Variants in RPSA2 observed in about 807,000 individuals in gnomAD.
The protein encoded by RPSA2 is ribosomal protein SA 2.
chr19:23,774,824 T>C, the RPSA2 span, among the ~76,000 whole-genome samples: 2 of 152,206 alleles, frequency 1.3e-5, no homozygotes, highest in Non-Finnish European at 2.9e-5. Context: ...AACTTATCCC[T>C]GACTGAGCAC....
At chr19:23,802,475 A>G in the RPSA2 span, among the ~76,000 whole-genome samples, 1 of 152,204 alleles carries the variant, frequency 6.6e-6, no homozygotes, top group Non-Finnish European at 1.5e-5. Flanking sequence ...TGCTCTCACA[A>G]TCACCCAGGC....
chr19:23,831,330 C>T, the RPSA2 span, among the ~76,000 whole-genome samples: 17,633 of 152,180 alleles, frequency 0.12, 1,086 homozygotes, highest in East Asian at 0.22. Flanking sequence ...GCAGGAAAAG[C>T]TGTGTTGGGT....
At chr19:23,843,863 G>A in the RPSA2 span, among the ~76,000 whole-genome samples, 4 of 152,184 alleles carry the variant, frequency 2.6e-5, no homozygotes, top group East Asian at 3.9e-4. Context: ...GGGTTCAAGC[G>A]ATTCTCCCGC....
At chr19:23,827,667 A>T in the RPSA2 span, 2 of 1,596,824 alleles carry the variant, frequency 1.3e-6, no homozygotes, top group South Asian at 1.1e-5. Context: ...AAGGGAGCTC[A>T]CTCAGTGGGT....
chr19:23,809,955 T>C, the RPSA2 span, among the ~76,000 whole-genome samples: 1 of 144,356 alleles, frequency 6.9e-6, no homozygotes, highest in East Asian at 2.1e-4. Context: ...TTTTATAAAC[T>C]GGTTTCAGAG....
chr19:23,780,516 G>A, the RPSA2 span, among the ~76,000 whole-genome samples: 15 of 152,152 alleles, frequency 9.9e-5, no homozygotes, highest in African/African-American at 3.4e-4. Flanking sequence ...GGTGGTGGGC[G>A]CCTGTAGTCC....
At chr19:23,846,918 G>A in the RPSA2 span, among the ~76,000 whole-genome samples, 1 of 152,046 alleles carries the variant, frequency 6.6e-6, no homozygotes, top group African/African-American at 2.4e-5. Context: ...TGCTAGAGTT[G>A]GGAAGTTTTC....
the RPSA2 span, chr19:23,832,618 T>A: frequency 7.1e-7 from 1 of 1,401,148 alleles, no homozygotes; most frequent in East Asian, 3.2e-5. Flanking sequence ...AGGTAATTCA[T>A]ACTGGGAGAG....
chr19:23,838,012 T>C, the RPSA2 span, among the ~76,000 whole-genome samples: 1 of 152,176 alleles, frequency 6.6e-6, no homozygotes, highest in African/African-American at 2.4e-5. Context: ...GGCACCCTTG[T>C]CTTGTTCCCA....
the RPSA2 span, among the ~76,000 whole-genome samples, chr19:23,863,854 A>G: frequency 6.6e-6 from 1 of 152,210 alleles, no homozygotes; most frequent in Non-Finnish European, 1.5e-5. Flanking sequence ...CTTTCTTATC[A>G]TAATACAAAA....
chr19:23,835,774 C>T, the RPSA2 span, among the ~76,000 whole-genome samples: 1 of 151,992 alleles, frequency 6.6e-6, no homozygotes, highest in Non-Finnish European at 1.5e-5. Flanking sequence ...GCTGGGATTA[C>T]ATGTGCCCGC....
the RPSA2 span, among the ~76,000 whole-genome samples, chr19:23,822,858 G>C: frequency 6.6e-6 from 1 of 152,158 alleles, no homozygotes; most frequent in East Asian, 1.9e-4. Flanking sequence ...GGTTTCTCCT[G>C]TCTTTCCTGT....
the RPSA2 span, among the ~76,000 whole-genome samples, chr19:23,847,290 G>T: frequency 3.2e-4 from 47 of 148,250 alleles, no homozygotes; most frequent in Non-Finnish European, 5.1e-4. Context: ...TTTTTATATT[G>T]GTTTTCAGAT....
At chr19:23,794,714 CT>C in the RPSA2 span, among the ~76,000 whole-genome samples, 1 of 152,092 alleles carries the variant, frequency 6.6e-6, no homozygotes, top group Non-Finnish European at 1.5e-5. Context: ...TCAATTTTTG[CT>C]TTTGTTGCAA....
At chr19:23,836,412 C>G in the RPSA2 span, among the ~76,000 whole-genome samples, 1 of 152,026 alleles carries the variant, frequency 6.6e-6, no homozygotes, top group Non-Finnish European at 1.5e-5. Context: ...TTTATCCACT[C>G]GTTGATTGAT....
At chr19:23,800,615 CT>C in the RPSA2 span, among the ~76,000 whole-genome samples, 245 of 150,458 alleles carry the variant, frequency 1.6e-3, 2 homozygotes, top group African/African-American at 3.9e-3. Flanking sequence ...TTTCTACAAA[CT>C]TTTTTTTTTT....
the RPSA2 span, among the ~76,000 whole-genome samples, chr19:23,762,293 C>G: frequency 4.6e-5 from 7 of 151,950 alleles, no homozygotes. Context: ...GGCCATCCCA[C>G]GATGTGGTCA....
At chr19:23,850,696 T>G in the RPSA2 span, among the ~76,000 whole-genome samples, 1 of 151,932 alleles carries the variant, frequency 6.6e-6, no homozygotes, top group Non-Finnish European at 1.5e-5. Context: ...TTCCCAGGTA[T>G]TGGTCTGGGA....
At chr19:23,862,203 C>T in the RPSA2 span, among the ~76,000 whole-genome samples, 10 of 152,086 alleles carry the variant, frequency 6.6e-5, no homozygotes, top group Middle Eastern at 3.2e-3. Context: ...TATAGGAATG[C>T]TTGTGATTTT....
Sources: gnomAD v4.1 joint callset for allele counts (sites outside exome capture counted in the v4.1 genomes callset) on GRCh38, gnomAD v4.1.1 for gene constraint, MANE v1.5 for transcripts, NCBI Gene and HGNC (gene_info 2026-07-23, HGNC 2026-07-21) for gene names.